STMN2: variants seen among roughly 807,000 people sequenced by gnomAD.
STMN2 encodes stathmin-2.
In STMN2, 2 loss-of-function variants were observed where a neutral mutation model predicts 24.1. That is an observed-to-expected ratio of 0.08 (90% confidence interval 0.03 to 0.26). The LOEUF is 0.26. Ranked by LOEUF, STMN2 falls within the 10% of genes least tolerant of loss-of-function variation. The probability of loss-of-function intolerance (pLI) is 1.00; values close to 1 mark genes in which losing one functional copy is unlikely to be tolerated. For synonymous variants in STMN2, 83 were observed against 77.5 expected (o/e 1.07, Z -0.37); for missense variants, 114 against 213.6 (o/e 0.53, Z 2.91).
chr8:79,648,452 G>GCT (rs1810262820), intron 3 of STMN2, among the ~76,000 whole-genome samples: 1 of 88,690 alleles, frequency 1.1e-5, no homozygotes, highest in Admixed American at 1.4e-4. Context: ...AATATACGTT[G>GCT]CTTTTTTTTT....
rs1806455731 is a variant in STMN2 at position 79,659,523 on chromosome 8, C to T, written c.480+4461C>T. On this transcript the variant is annotated intron_variant, in intron 4 of 4. Transcript: ENST00000220876. Reference sequence around the variant, plus strand: ...TATGCAGCATCCTGCAGAAAATTCACCACCTGACCCTTTTAGAAACCCTGA... The same window carrying T: ...TATGCAGCATCCTGCAGAAAATTCATCACCTGACCCTTTTAGAAACCCTGA... Among the ~76,000 whole-genome samples the T allele has an allele frequency of 3.3e-5, 5 of 152,322 alleles. No homozygotes were observed. In the South Asian group the frequency reaches 1.0e-3, roughly 32 times the overall value.
At chr8:79,651,861 T>C (rs559549001) in intron 3 of STMN2, among the ~76,000 whole-genome samples, 11 of 152,246 alleles carry the variant, frequency 7.2e-5, no homozygotes, top group African/African-American at 1.4e-4. Flanking sequence ...AAATACCAGG[T>C]TGGGGCTCAT....
At chr8:79,612,290 A>T (rs1416169023) in intron 1 of STMN2, among the ~76,000 whole-genome samples, 1 of 152,240 alleles carries the variant, frequency 6.6e-6, no homozygotes, top group African/African-American at 2.4e-5. Flanking sequence ...AAAGTGGGTT[A>T]ACATTTTTCT....
At chr8:79,631,754 T>A (rs1415456636) in intron 1 of STMN2, among the ~76,000 whole-genome samples, 2 of 152,058 alleles carry the variant, frequency 1.3e-5, no homozygotes, top group Admixed American at 6.6e-5. Context: ...ATCTGACTTT[T>A]AAAAAAAATT....
chr8:79,644,106 A>C (rs1810167695), intron 3 of STMN2, among the ~76,000 whole-genome samples: 1 of 152,222 alleles, frequency 6.6e-6, no homozygotes, highest in African/African-American at 2.4e-5. Flanking sequence ...AGAACTATTA[A>C]TTATCTTTAA....
chr8:79,611,572 AC>A (rs1444810958), intron 1 of STMN2, among the ~76,000 whole-genome samples: 2 of 116,748 alleles, frequency 1.7e-5, no homozygotes, highest in Non-Finnish European at 3.7e-5. Context: ...CTTTATAACG[AC>A]CTTTTTTTTT....
chr8:79,639,940 G>A (rs1053545048), intron 2 of STMN2, among the ~76,000 whole-genome samples: 6 of 152,180 alleles, frequency 3.9e-5, no homozygotes, highest in African/African-American at 7.2e-5. Flanking sequence ...GGTGGCTCAC[G>A]CCTATAATCC....
At chr8:79,634,845 G>A (rs1224277961) in intron 1 of STMN2, among the ~76,000 whole-genome samples, 1 of 152,090 alleles carries the variant, frequency 6.6e-6, no homozygotes, top group African/African-American at 2.4e-5. Flanking sequence ...CATCTTCTGA[G>A]AATCCTCTTT....
At chr8:79,652,198 C>T (rs1178898810) in intron 3 of STMN2, among the ~76,000 whole-genome samples, 1 of 152,204 alleles carries the variant, frequency 6.6e-6, no homozygotes, top group Non-Finnish European at 1.5e-5. Flanking sequence ...CCTGGAGCAT[C>T]CTCCATGGAT....
intron 3 of STMN2, among the ~76,000 whole-genome samples, chr8:79,643,482 T>C (rs1003846345): frequency 3.3e-5 from 5 of 151,970 alleles, no homozygotes; most frequent in African/African-American, 1.2e-4. Flanking sequence ...TCGACATATA[T>C]TGAGATGCTA....
chr8:79,657,719 A>T (rs1207970231), intron 4 of STMN2, among the ~76,000 whole-genome samples: 4 of 152,228 alleles, frequency 2.6e-5, no homozygotes, highest in African/African-American at 9.7e-5. Flanking sequence ...TCTCCTCAAT[A>T]AAAAGGAAAT....
At chr8:79,664,712 A>G in intron 4 of STMN2, 103 bp from the exon 5 acceptor site, 1 of 1,077,400 alleles carries the variant, frequency 9.3e-7, no homozygotes, top group Non-Finnish European at 1.3e-6. Flanking sequence ...AAAAATTCAT[A>G]AAAGTAGACA....
At chr8:79,661,941 A>T (rs535981837) in intron 4 of STMN2, among the ~76,000 whole-genome samples, 1 of 152,246 alleles carries the variant, frequency 6.6e-6, no homozygotes, top group Non-Finnish European at 1.5e-5. Flanking sequence ...TACTGACCTC[A>T]TCTTGAATTT....
intron 1 of STMN2, among the ~76,000 whole-genome samples, chr8:79,635,691 TG>T: frequency 6.6e-6 from 1 of 152,140 alleles, no homozygotes; most frequent in Middle Eastern, 3.4e-3. Context: ...CACTTATAAG[TG>T]GGAGCTAAAC....
intron 1 of STMN2, chr8:79,620,891 T>G (rs549442580): frequency 1.5e-5 from 14 of 905,824 alleles, no homozygotes; most frequent in Admixed American, 6.2e-5. Flanking sequence ...TGGATTTGCA[T>G]TTCTAACAAG....
chr8:79,638,986 AT>A, intron 2 of STMN2, among the ~76,000 whole-genome samples: 1 of 152,252 alleles, frequency 6.6e-6, no homozygotes. Flanking sequence ...AATGAAAAAC[AT>A]TTTTACATTT....
intron 1 of STMN2, among the ~76,000 whole-genome samples, chr8:79,625,639 T>A (rs1023092613): frequency 5.9e-5 from 9 of 152,140 alleles, no homozygotes; most frequent in African/African-American, 2.2e-4. Flanking sequence ...GCAAAGCCCC[T>A]TAAAACTTCA....
intron 1 of STMN2, among the ~76,000 whole-genome samples, chr8:79,624,453 C>CAAAAAAAAAAAAAAAA (rs1011493193): frequency 1.9e-3 from 84 of 44,988 alleles, no homozygotes; most frequent in Non-Finnish European, 2.7e-3. Context: ...GACTCCGTCT[C>CAAAAAAAAAAAAAAAA]AAAAAAAAAA....
chr8:79,661,808 G>A (rs935980614), intron 4 of STMN2, among the ~76,000 whole-genome samples: 56 of 151,932 alleles, frequency 3.7e-4, no homozygotes, highest in African/African-American at 1.3e-3. Flanking sequence ...ATCTGCCCAT[G>A]ACCCCTGATC....
Sources: gnomAD v4.1 joint callset for allele counts (sites outside exome capture counted in the v4.1 genomes callset) on GRCh38, gnomAD v4.1.1 for gene constraint, MANE v1.5 for transcripts, NCBI Gene and HGNC (gene_info 2026-07-23, HGNC 2026-07-21) for gene names.